DAB1: variants seen among roughly 807,000 people sequenced by gnomAD.
DAB1 encodes the protein disabled homolog 1.
Under a neutral mutation model 64.6 loss-of-function variants are expected in DAB1, and 15 were observed. That is an observed-to-expected ratio of 0.23 (90% CI 0.16 to 0.36). The LOEUF (loss-of-function observed/expected upper bound fraction) is 0.36, where lower values mean the gene tolerates loss of function less well. Ranked by LOEUF, DAB1 falls within the 10% of genes least tolerant of loss-of-function variation. The probability of loss-of-function intolerance (pLI) is 1.00; values close to 1 mark genes in which losing one functional copy is unlikely to be tolerated. For missense variants in DAB1, 596 were observed against 706.7 expected (o/e 0.84, Z 1.78); for synonymous variants, 235 against 251.9 (o/e 0.93, Z 0.64).
Position 57,661,148 on chromosome 1 carries a change from G to A in DAB1, n.552-11483C>T, listed in dbSNP as rs1337514490. Among the ~76,000 whole-genome samples the A allele has an allele frequency of 5.3e-5, 8 of 152,086 alleles. No individual in the cohort carries two copies. The East Asian group carries it at 1.5e-3, about 29-fold the overall frequency. On this transcript the variant is annotated intron_variant and non_coding_transcript_variant, in intron 6 of 20. Coordinates refer to the DAB1 transcript ENST00000485760. ...TCTGGGGGAAAAAAAAAAGGTACTA[G>A]TGAAGAAATTTTCTCACTGTGTCTA...
chr1:57,242,311 TC>T (rs1668552152), intron 2 of DAB1, among the ~76,000 whole-genome samples: 1 of 152,184 alleles, frequency 6.6e-6, no homozygotes, highest in African/African-American at 2.4e-5. Flanking sequence ...CAGGTGCTTT[TC>T]TTCTGCCTTT....
intron 9 of DAB1, among the ~76,000 whole-genome samples, chr1:57,048,143 A>C (rs1290704765): frequency 6.6e-6 from 1 of 152,152 alleles, no homozygotes; most frequent in African/African-American, 2.4e-5. Context: ...AGTTTAAATA[A>C]CCCACCCAAG....
chr1:57,626,544 G>A (rs936581745), intron 7 of DAB1, among the ~76,000 whole-genome samples: 2 of 152,158 alleles, frequency 1.3e-5, no homozygotes, highest in Non-Finnish European at 2.9e-5. Context: ...GGGGGTGAGT[G>A]GTCAGGTACA....
intron 1 of DAB1, among the ~76,000 whole-genome samples, chr1:57,323,127 A>T (rs1004661920): frequency 3.9e-5 from 6 of 152,076 alleles, no homozygotes; most frequent in Non-Finnish European, 7.4e-5. Flanking sequence ...TAGAAAGGGC[A>T]TGGATATACC....
At chr1:58,256,123 GCC>G (rs1282338075) in intron 4 of DAB1, among the ~76,000 whole-genome samples, 1 of 151,242 alleles carries the variant, frequency 6.6e-6, no homozygotes, top group Non-Finnish European at 1.5e-5. Flanking sequence ...GGGACTAAGA[GCC>G]ATGTGCTACC....
chr1:57,555,458 TAAAC>T (rs972050203), intron 7 of DAB1, among the ~76,000 whole-genome samples: 6 of 148,202 alleles, frequency 4.0e-5, no homozygotes, highest in African/African-American at 7.5e-5. Context: ...TCATGGAAAC[TAAAC>T]AAACAAACAA....
chr1:58,107,781 T>C (rs1199257304), intron 5 of DAB1, among the ~76,000 whole-genome samples: 7 of 151,854 alleles, frequency 4.6e-5, no homozygotes, highest in Admixed American at 4.6e-4. Context: ...CACGCCCAGC[T>C]GATTTTTATA....
chr1:57,766,972 A>G (rs934107434), intron 6 of DAB1, among the ~76,000 whole-genome samples: 3 of 152,162 alleles, frequency 2.0e-5, no homozygotes, highest in African/African-American at 4.8e-5. Context: ...AATGGAAGAG[A>G]TGCATAGAAC....
At chr1:57,454,809 C>A (rs1473020800) in intron 7 of DAB1, among the ~76,000 whole-genome samples, 1 of 152,044 alleles carries the variant, frequency 6.6e-6, no homozygotes, top group Admixed American at 6.5e-5. Context: ...CAGACCTTTA[C>A]TATATGCCTA....
At chr1:57,475,531 G>A (rs1371733539) in intron 7 of DAB1, among the ~76,000 whole-genome samples, 2 of 152,180 alleles carry the variant, frequency 1.3e-5, no homozygotes, top group African/African-American at 4.8e-5. Context: ...AATCAAGGCA[G>A]AGAGAGGGGT....
intron 7 of DAB1, among the ~76,000 whole-genome samples, chr1:57,443,476 G>A (rs976622421): frequency 3.3e-5 from 5 of 152,120 alleles, no homozygotes; most frequent in Non-Finnish European, 7.4e-5. Context: ...TCATCTTCAT[G>A]AAATGACCTT....
intron 5 of DAB1, among the ~76,000 whole-genome samples, chr1:57,897,617 T>C (rs72918588): frequency 0.011 from 1,614 of 152,250 alleles, 22 homozygotes; most frequent in African/African-American, 0.036. Context: ...AAAATTGTAT[T>C]ACTCTCATCC....
At chr1:58,485,171 C>A (rs946066945) in intron 3 of DAB1, among the ~76,000 whole-genome samples, 1 of 136,890 alleles carries the variant, frequency 7.3e-6, no homozygotes. Flanking sequence ...AATCTCTATA[C>A]CTTCTACTCA....
intron 2 of DAB1, among the ~76,000 whole-genome samples, chr1:57,212,359 CTTTTTTTTTTTTTT>C (rs57653531): frequency 1.2e-5 from 1 of 82,176 alleles, no homozygotes; most frequent in Non-Finnish European, 2.2e-5. Flanking sequence ...ATATTATTTC[CTTTTTTTTTTTTTT>C]TTTTTTTTTT....
In DAB1 at chr1:57,014,101, A is replaced by G. The variant is rs755336598; in HGVS notation, c.1444+782T>C. ...AGATACTTCAAATTCTGGGAGTTCT[A>G]TAATGTTTGAGCACATATACCATTG... On this transcript the variant is annotated intron_variant, in intron 12 of 14. Coordinates refer to ENST00000371236, the MANE Select transcript of DAB1 (RefSeq NM_001365792.1). Among the ~76,000 whole-genome samples the G allele has an allele frequency of 1.1e-4, 17 of 152,382 alleles. 1 individual carries two copies. Among genetic ancestry groups the G allele is most frequent in the Admixed American group, 6.5e-4 (10 of 15,310 alleles).
intron 4 of DAB1, among the ~76,000 whole-genome samples, chr1:58,165,659 A>G (rs1655793305): frequency 6.6e-6 from 1 of 152,246 alleles, no homozygotes; most frequent in Non-Finnish European, 1.5e-5. Context: ...GCTAAGCAGT[A>G]TTCCAAGCCT....
rs140626792 is a variant in DAB1 at position 58,259,861 on chromosome 1, G to T, written n.309+83491C>A. ...GGGCTGGCCTAATTGAAATAATAAAGTAATGATGATAGATAACACTTACAT... is the reference window on the plus strand; with the variant it reads ...GGGCTGGCCTAATTGAAATAATAAATTAATGATGATAGATAACACTTACAT... On this transcript the variant is annotated intron_variant and non_coding_transcript_variant, in intron 4 of 20. Coordinates refer to the DAB1 transcript ENST00000485760. Among the ~76,000 whole-genome samples the T allele has an allele frequency of 1.6e-3, 237 of 152,272 alleles. 1 individual carries two copies. Among genetic ancestry groups the T allele is most frequent in the Admixed American group, 3.8e-3 (58 of 15,306 alleles).
chr1:57,262,671 C>T (rs959994115), intron 2 of DAB1, among the ~76,000 whole-genome samples: 5 of 152,208 alleles, frequency 3.3e-5, no homozygotes, highest in Non-Finnish European at 5.9e-5. Flanking sequence ...CCAGACTGAT[C>T]ACTGGTGTGA....
intron 5 of DAB1, among the ~76,000 whole-genome samples, chr1:58,007,657 T>C (rs1029301661): frequency 6.6e-6 from 1 of 152,182 alleles, no homozygotes; most frequent in South Asian, 2.1e-4. Flanking sequence ...CAGAACAGTG[T>C]GGTCTCTTTT....
Sources: gnomAD v4.1 joint callset for allele counts (sites outside exome capture counted in the v4.1 genomes callset) on GRCh38, gnomAD v4.1.1 for gene constraint, MANE v1.5 for transcripts, NCBI Gene and HGNC (gene_info 2026-07-23, HGNC 2026-07-21) for gene names.